The following GALE variants were observed in gnomAD, a reference collection of about 807,000 sequenced individuals.
GALE encodes the protein UDP-glucose 4-epimerase.
Under a neutral mutation model 44.1 loss-of-function variants are expected in GALE, and 32 were observed. That is an observed-to-expected ratio of 0.73 (90% CI 0.55 to 0.97). GALE has a LOEUF of 0.97. Among genes scored for constraint, GALE ranks in the 50% least tolerant of loss-of-function variants. The probability of loss-of-function intolerance (pLI) is 0.00; values close to 1 mark genes in which losing one functional copy is unlikely to be tolerated. For missense variants in GALE, 423 were observed against 455.6 expected, an observed-to-expected ratio of 0.93 and a Z score of 0.65; for synonymous variants, 182 against 183.5, an observed-to-expected ratio of 0.99 and a Z score of 0.06.
In GALE at chr1:23,795,650, C is replaced by A; in HGVS notation, c.*299G>T. On this transcript the variant is annotated 3_prime_UTR_variant, in exon 12 of 12. Transcript: ENST00000617979. ...TTTTAAATACTTTGGAAAGCTCTTT[C>A]AGAGCAATATAAATGAGTGCCTGGG... 1.8e-6 allele frequency: 1 copy of A among 545,166 alleles called. No homozygotes were observed. The highest frequency in any genetic ancestry group is 3.3e-6 in the Non-Finnish European group (1 of 305,554). 33.8% of individuals were successfully genotyped at this position (545,166 alleles called of 1,614,324 possible). A position where few individuals can be genotyped will look rare whatever the true frequency, so the allele number is the denominator to read the frequency against.
Position 23,798,122 on chromosome 1 carries a change from G to A in GALE, c.346C>T (p.Leu116=). The A allele has an allele frequency of 6.2e-7, 1 of 1,612,992 alleles. No individual in the cohort carries two copies. Among genetic ancestry groups the A allele is most frequent in the Non-Finnish European group, 8.5e-7 (1 of 1,178,938 alleles). ...CCCTGTCCCATGCCTCTCACCTCCA[G>A]AAGCTGGATGGTCCCGGTCAGGTTA... ...RVNLTGTIQL[L]EIMKAHGVKN... The change falls in exon 5 of 12, where the codon CTG becomes TTG. Residue 116 remains leucine, a synonymous_variant. Coordinates refer to ENST00000617979, the MANE Select transcript of GALE (RefSeq NM_001008216.2). This position sits in a 1 kb window ranked among gnomAD's most constrained non-coding sequence, Gnocchi z 4.5.
In GALE at chr1:23,798,019, G is replaced by A; in HGVS notation, c.351+98C>T. 7.6e-7 allele frequency: 1 copy of A among 1,312,626 alleles called. No homozygotes were observed. Among genetic ancestry groups the A allele is most frequent in the Non-Finnish European group, 1.1e-6 (1 of 905,446 alleles). The allele number at this position is 1,312,626 out of a possible 1,614,324, so 81.3% of individuals were successfully genotyped here. Reference sequence around the variant, plus strand: ...ACTGGGAGGTAAAGACATGAGTCCAGGATGATACAGCTTGGGCTCTGTGTT... The same window carrying A: ...ACTGGGAGGTAAAGACATGAGTCCAAGATGATACAGCTTGGGCTCTGTGTT... On this transcript the variant is annotated intron_variant, in intron 5 of 11. Transcript: ENST00000617979. This position sits in a 1 kb window ranked among gnomAD's most constrained non-coding sequence, Gnocchi z 4.5.
chr1:23,795,771 CGGCCTCCTGGTCAGTGGAGCCCTT>C lies in GALE; in HGVS notation c.*154_*177del, dbSNP rs994333920. 18 of 650,442 alleles carry C rather than the reference CGGCCTCCTGGTCAGTGGAGCCCTT, an allele frequency of 2.8e-5. No homozygotes were observed. The African/African-American group carries it at 2.9e-4, about 10-fold the overall frequency. 40.3% of individuals were successfully genotyped at this position (650,442 alleles called of 1,614,324 possible). On this transcript the variant is annotated 3_prime_UTR_variant, in exon 12 of 12. Transcript: ENST00000617979. ...TGTGGAAGATAAGAGTTAGAGACCT[CGGCCTCCTGGTCAGTGGAGCCCTT>C]GGCCTCATGCCTGGTGGGCTAAGCG...
Position 23,798,354 on chromosome 1 carries a change from G to A in GALE, c.238-124C>T. ...CAGTCTCGCTCTGTTGTCCAGGCTG[G>A]AGTACAGTGGTGCCATCTCAGCTCA... On this transcript the variant is annotated intron_variant, in intron 4 of 11. Transcript: ENST00000617979. The surrounding 1 kb of genome is among the most constrained non-coding windows in gnomAD (Gnocchi z 4.5). 1 of 763,102 alleles carries A rather than the reference G, an allele frequency of 1.3e-6. No individual in the cohort carries two copies. Among genetic ancestry groups the A allele is most frequent in the South Asian group, 1.5e-5 (1 of 68,360 alleles). The allele number at this position is 763,102 out of a possible 1,614,324, so 47.3% of individuals were successfully genotyped here.
rs1639005449 is a variant in GALE at position 23,797,747 on chromosome 1, T to A, written c.476A>T (p.Lys159Met). Residue 159 changes from lysine to methionine, a missense_variant, in exon 6 of 12, where the codon AAG (lysine) becomes ATG (methionine). Coordinates refer to ENST00000617979, the MANE Select transcript of GALE (RefSeq NM_001008216.2). ...CATTTCCTCGATGAAGAACTTGGAC[T>A]TGCCGTAAGGGTTGGTACAACCACC... ...PTGGCTNPYG[K>M]SKFFIEEMIR... 6.2e-7 allele frequency: 1 copy of A among 1,614,016 alleles called. No individual in the cohort carries two copies. The highest frequency in any genetic ancestry group is 1.7e-5 in the Admixed American group (1 of 60,002).
In GALE at chr1:23,798,691, T is replaced by A; in HGVS notation, c.161A>T (p.Glu54Val). Residue 54 changes from glutamate (E) to valine (V), a missense_variant, in exon 4 of 12, where the codon GAG becomes GTG. Transcript: ENST00000617979. This position sits in a 1 kb window ranked among gnomAD's most constrained non-coding sequence, Gnocchi z 4.5. ...AAACTCCACAGAGCGGCCTGTCAGC[T>A]CCTGGACCCGCCGCAGGCTCTCAGG... is the stretch of plus-strand genomic sequence containing the variant. ...SLPESLRRVQELTGRSVEFEE... is the reference protein window; with the variant it reads ...SLPESLRRVQVLTGRSVEFEE... The A allele has an allele frequency of 6.2e-7, 1 of 1,612,424 alleles. No individual in the cohort carries two copies. Among genetic ancestry groups the A allele is most frequent in the Non-Finnish European group, 8.5e-7 (1 of 1,179,232 alleles).
chr1:23,798,466 A>C lies in GALE; in HGVS notation c.237+149T>G. The C allele has an allele frequency of 1.4e-6, 1 of 706,782 alleles. No homozygotes were observed. Among genetic ancestry groups the C allele is most frequent in the Non-Finnish European group, 2.5e-6 (1 of 401,780 alleles). 43.8% of individuals were successfully genotyped at this position (706,782 alleles called of 1,614,324 possible). ...ACCACAGGTATGGGCTACCATGCCC[A>C]GCTAATTTTTGTATTTTTCTGTAGA... On this transcript the variant is annotated intron_variant, in intron 4 of 11. Transcript: ENST00000617979. This position sits in a 1 kb window ranked among gnomAD's most constrained non-coding sequence, Gnocchi z 4.5.
Position 23,798,892 on chromosome 1 carries a change from A to T in GALE, c.116T>A (p.Phe39Tyr), listed in dbSNP as rs1201697298. The change falls in exon 3 of 12, where the codon TTC (phenylalanine) becomes TAC (tyrosine). Residue 39 changes from phenylalanine (F) to tyrosine (Y), a missense_variant. By Grantham distance (22) the Phe-to-Tyr change is conservative. Transcript: ENST00000617979. The surrounding 1 kb of genome is among the most constrained non-coding windows in gnomAD (Gnocchi z 4.5). Reference protein sequence around the residue: ...PVVIDNFHNAFRGGGSLPESL... With the variant: ...PVVIDNFHNAYRGGGSLPESL... ...AGCCCCACTGCCCCGCTCACCACGG[A>T]AGGCATTATGGAAGTTATCGATGAC... 2 of 1,614,150 alleles carry T rather than the reference A, an allele frequency of 1.2e-6. No homozygotes were observed. Among genetic ancestry groups the T allele is most frequent in the Non-Finnish European group, 1.7e-6 (2 of 1,180,038 alleles).
Position 23,798,111 on chromosome 1 carries a change from TCTCAC to T in GALE, c.351+1_351+5del, listed in dbSNP as rs768213065. ...TAGTGTCTGTGCCCTGTCCCATGCC[TCTCAC>T]CTCCAGAAGCTGGATGGTCCCGGTC... On this transcript the variant is annotated splice_donor_variant and splice_donor_5th_base_variant and intron_variant, in intron 5 of 11. Transcript: ENST00000617979. LOFTEE classifies it high-confidence loss of function. This position sits in a 1 kb window ranked among gnomAD's most constrained non-coding sequence, Gnocchi z 4.5. 6.2e-7 allele frequency: 1 copy of T among 1,607,972 alleles called. No individual in the cohort carries two copies. The highest frequency in any genetic ancestry group is 1.7e-5 in the Admixed American group (1 of 60,012).
Position 23,798,663 on chromosome 1 carries a change from C to T in GALE, c.189G>A (p.Glu63=), listed in dbSNP as rs147283511. The T allele has an allele frequency of 3.3e-5, 53 of 1,613,964 alleles. No individual in the cohort carries two copies. The African/African-American group carries it at 6.8e-4, about 21-fold the overall frequency. The change falls in exon 4 of 12, where the codon GAG becomes GAA. Residue 63 remains glutamate (E), a synonymous_variant. Transcript: ENST00000617979. This position sits in a 1 kb window ranked among gnomAD's most constrained non-coding sequence, Gnocchi z 4.5. ...QELTGRSVEF[E]EMDILDQGAL... is the part of the protein sequence containing the mutation. ...CTCCCTGGTCCAAAATGTCCATCTC[C>T]TCAAACTCCACAGAGCGGCCTGTCA... is the stretch of plus-strand genomic sequence containing the variant.
rs1334557499 is a variant in GALE, at chr1:23,795,723, G to A, written c.*226C>T. 1.7e-6 allele frequency: 1 copy of A among 603,848 alleles called. No individual in the cohort carries two copies. The highest frequency in any genetic ancestry group is 3.0e-6 in the Non-Finnish European group (1 of 337,650). The allele number at this position is 603,848 out of a possible 1,614,324, so 37.4% of individuals were successfully genotyped here. On this transcript the variant is annotated 3_prime_UTR_variant, in exon 12 of 12. Transcript: ENST00000617979. ...CCTTGCCCCCTCACTCACTCTTGGG[G>A]GTCCTGATGAACTCTTGGACCCTGT...
At position 23,798,854 on chromosome 1, in the gene GALE, C is replaced by G. The variant is rs375172302; in HGVS notation, c.121+33G>C. 101 of 1,614,040 alleles carry G rather than the reference C, an allele frequency of 6.3e-5. No individual in the cohort carries two copies. The highest frequency in any genetic ancestry group is 4.8e-4 in the South Asian group (44 of 91,074). On this transcript the variant is annotated intron_variant, in intron 3 of 11. Transcript: ENST00000617979. This position sits in a 1 kb window ranked among gnomAD's most constrained non-coding sequence, Gnocchi z 4.5. ...CCCAGGGTTTTGCTTCTGCCATCCCCTCAAGTAGCCCCAGCCCCACTGCCC... is the reference window on the plus strand; with the variant it reads ...CCCAGGGTTTTGCTTCTGCCATCCCGTCAAGTAGCCCCAGCCCCACTGCCC...
At position 23,797,881 on chromosome 1, in the gene GALE, GA is replaced by G. The variant is rs1557480113; in HGVS notation, c.352-11del. On this transcript the variant is annotated splice_polypyrimidine_tract_variant and intron_variant, in intron 5 of 11. Transcript: ENST00000617979. ...CGTGGGCCTTCATGATCTGGCCGTGGAGAGATGGCATCAGTGACCTCTGCCT... is the reference window on the plus strand; with the variant it reads ...CGTGGGCCTTCATGATCTGGCCGTGGGAGATGGCATCAGTGACCTCTGCCT... 1 of 1,614,118 alleles carries G rather than the reference GA, an allele frequency of 6.2e-7. No homozygotes were observed. The highest frequency in any genetic ancestry group is 8.5e-7 in the Non-Finnish European group (1 of 1,179,956).
rs1639034148 is a variant in GALE, at chr1:23,798,533, T to G, written c.237+82A>C. On this transcript the variant is annotated intron_variant, in intron 4 of 11. Transcript: ENST00000617979. The surrounding 1 kb of genome is among the most constrained non-coding windows in gnomAD (Gnocchi z 4.5). ...GTTGAGCAGGCTGGTCTTGAACACC[T>G]GGGCTCAAGTGATCTCCTCACCTCG... 9.9e-7 allele frequency: 1 copy of G among 1,009,186 alleles called. No homozygotes were observed. Among genetic ancestry groups the G allele is most frequent in the East Asian group, 2.4e-5 (1 of 41,806 alleles). 62.5% of individuals were successfully genotyped at this position (1,009,186 alleles called of 1,614,324 possible).
At position 23,796,918 on chromosome 1, in the gene GALE, G is replaced by A; in HGVS notation, c.667C>T (p.Leu223=). Residue 223 remains leucine (L), a synonymous_variant, in exon 8 of 12, where the codon CTG becomes TTG. Coordinates refer to ENST00000617979, the MANE Select transcript of GALE (RefSeq NM_001008216.2). This position sits in a 1 kb window ranked among gnomAD's most constrained non-coding sequence, Gnocchi z 5.2. ...SQVAIGRREA[L]NVFGNDYDTE... is the part of the protein sequence containing the mutation. ...TCATAGTCATTGCCAAAGACATTCAGGGCCTCCCGTCGCCCGATCGCCACC... is the reference window on the plus strand; with the variant it reads ...TCATAGTCATTGCCAAAGACATTCAAGGCCTCCCGTCGCCCGATCGCCACC... 4 of 1,613,692 alleles carry A rather than the reference G, an allele frequency of 2.5e-6. No individual in the cohort carries two copies. The highest frequency in any genetic ancestry group is 3.4e-6 in the Non-Finnish European group (4 of 1,179,852).
chr1:23,798,445 C>G lies in GALE; in HGVS notation c.237+170G>C. ...CCAGCCTCCCGAGTAGCTGGGACCA[C>G]AGGTATGGGCTACCATGCCCAGCTA... On this transcript the variant is annotated intron_variant, in intron 4 of 11. Transcript: ENST00000617979. This position sits in a 1 kb window ranked among gnomAD's most constrained non-coding sequence, Gnocchi z 4.5. 1.4e-6 allele frequency: 1 copy of G among 691,646 alleles called. No individual in the cohort carries two copies. 42.8% of individuals were successfully genotyped at this position (691,646 alleles called of 1,614,324 possible). A position where few individuals can be genotyped will look rare whatever the true frequency, so the allele number is the denominator to read the frequency against.
rs925032065 is a variant in GALE, at chr1:23,798,217, G to A, written c.251C>T (p.Ala84Val). 15 of 1,613,366 alleles carry A rather than the reference G, an allele frequency of 9.3e-6. No homozygotes were observed. Among genetic ancestry groups the A allele is most frequent in the African/African-American group, 2.7e-5 (2 of 74,880 alleles). The change falls in exon 5 of 12, where the codon GCG becomes GTG. Residue 84 changes from alanine to valine, a missense_variant. Transcript: ENST00000617979. The surrounding 1 kb of genome is among the most constrained non-coding windows in gnomAD (Gnocchi z 4.5). ...CTTGAGCCCCGCAAAGTGGATGACC[G>A]CCATAAAGCTGTACTGCAGGGGTGA... ...QRLFKKYSFM[A>V]VIHFAGLKAV...
Position 23,797,728 on chromosome 1 carries a change from C to T in GALE, c.495G>A (p.Glu165=). ...NPYGKSKFFI[E]EMIRDLCQAD... is the part of the protein sequence containing the mutation. ...CCTGGCACAGGTCCCGGATCATTTC[C>T]TCGATGAAGAACTTGGACTTGCCGT... The change falls in exon 6 of 12, where the codon GAG becomes GAA. Residue 165 remains glutamate (E), a synonymous_variant. Transcript: ENST00000617979. 1 of 1,614,178 alleles carries T rather than the reference C, an allele frequency of 6.2e-7. No individual in the cohort carries two copies.
intron 6 of GALE, 31 bp from the exon 7 acceptor site, chr1:23,797,178 G>A (rs1039473647): frequency 6.7e-7 from 1 of 1,499,502 alleles, no homozygotes; most frequent in Admixed American, 1.8e-5. Flanking sequence ...GGTGAGGCCA[G>A]AGGCACAGGC....
Sources: gnomAD v4.1 joint callset for allele counts on GRCh38, gnomAD v4.1.1 for gene constraint, Gnocchi (gnomAD v3.1) non-coding constraint, MANE v1.5 for transcripts, NCBI Gene and HGNC (gene_info 2026-07-23, HGNC 2026-07-21) for gene names.